The following GCSAML variants were observed in gnomAD, a reference collection of about 807,000 sequenced individuals.
GCSAML encodes the protein germinal center associated signaling and motility like, also known as germinal center-associated signaling and motility-like protein.
A neutral mutation model predicts 13.0 loss-of-function variants in GCSAML; 9 were observed. The ratio of observed to expected loss-of-function variants is 0.69; its 90% confidence interval spans 0.42 to 1.21. The LOEUF is 1.21. Among genes scored for constraint, GCSAML ranks in the 50% most tolerant of loss-of-function variants. GCSAML has a pLI of 0.00. For synonymous variants in GCSAML, 37 were observed against 52.9 expected (o/e 0.70, Z 1.31); for missense variants, 143 against 153.4 (o/e 0.93, Z 0.36).
Position 247,563,631 on chromosome 1 carries a change from A to G in GCSAML, c.131A>G (p.Asp44Gly), listed in dbSNP as rs1353732580. The G allele has an allele frequency of 1.3e-6, 2 of 1,570,872 alleles. No individual in the cohort carries two copies. Among genetic ancestry groups the G allele is most frequent in the East Asian group, 2.2e-5 (1 of 44,560 alleles). The change falls in exon 3 of 5, where the codon GAT becomes GGT. Residue 44 changes from aspartate to glycine, a missense_variant. Physicochemically the swap from Asp to Gly is moderately conservative, Grantham distance 94 (BLOSUM62 -1). Coordinates refer to ENST00000366488, the MANE Select transcript of GCSAML (RefSeq NM_145278.5). ...TTFERKLQDQ[D>G]KKSQEVSSTS... ...TTTGAAAGAAAACTTCAAGATCAAG[A>G]TAAGAAAAGTAAGTCATGGCTGTAT...
intron 1 of GCSAML, among the ~76,000 whole-genome samples, chr1:247,553,730 A>G (rs1218586820): frequency 6.6e-6 from 1 of 152,162 alleles, no homozygotes; most frequent in African/African-American, 2.4e-5. Context: ...CCTCCCAAGG[A>G]GCTGGGATTA....
At chr1:247,507,940 G>A (rs565256768) in intron 1 of GCSAML, among the ~76,000 whole-genome samples, 1 of 152,148 alleles carries the variant, frequency 6.6e-6, no homozygotes, top group Admixed American at 6.5e-5. Flanking sequence ...TTGGTTCCAA[G>A]TCTTTGCTAT....
intron 1 of GCSAML, among the ~76,000 whole-genome samples, chr1:247,513,054 T>C (rs1028292632): frequency 4.6e-5 from 7 of 152,176 alleles, no homozygotes; most frequent in African/African-American, 7.2e-5. Context: ...GGGAGATCCA[T>C]TGCTCTCTTT....
chr1:247,532,016 G>A, intron 2 of GCSAML: 1 of 1,614,124 alleles, frequency 6.2e-7, no homozygotes, highest in South Asian at 1.1e-5. Flanking sequence ...AGCGGTAGGA[G>A]CATGGTGAGC....
intron 1 of GCSAML, among the ~76,000 whole-genome samples, chr1:247,512,408 C>G (rs1390018627): frequency 5.9e-5 from 9 of 151,950 alleles, no homozygotes; most frequent in African/African-American, 1.4e-4. Flanking sequence ...AGCAATTCCT[C>G]TAACCTTTTT....
At chr1:247,541,833 A>G (rs1667423154) in intron 2 of GCSAML, among the ~76,000 whole-genome samples, 1 of 151,922 alleles carries the variant, frequency 6.6e-6, no homozygotes, top group Non-Finnish European at 1.5e-5. Context: ...AACATGGTGA[A>G]AACCTGTCTC....
At chr1:247,517,671 T>G (rs928646888) in intron 1 of GCSAML, among the ~76,000 whole-genome samples, 1 of 152,146 alleles carries the variant, frequency 6.6e-6, no homozygotes. Context: ...AGTTTTAGCT[T>G]TCTTCTCTTC....
chr1:247,537,814 A>G (rs1476050605), intron 2 of GCSAML, among the ~76,000 whole-genome samples: 1 of 151,982 alleles, frequency 6.6e-6, no homozygotes, highest in Non-Finnish European at 1.5e-5. Flanking sequence ...AAAAATGTCT[A>G]TTCAAGTCTT....
chr1:247,549,170 G>A lies in GCSAML; in HGVS notation c.-22G>A. 1 of 1,614,162 alleles carries A rather than the reference G, an allele frequency of 6.2e-7. No individual in the cohort carries two copies. The highest frequency in any genetic ancestry group is 8.5e-7 in the Non-Finnish European group (1 of 1,180,020). Reference sequence around the variant, plus strand: ...AAGTGGAGTGAAACTCAGGAGCTGAGAAACCGAGTCACTGTGAAAAGATGG... The same window carrying A: ...AAGTGGAGTGAAACTCAGGAGCTGAAAAACCGAGTCACTGTGAAAAGATGG... On this transcript the variant is annotated 5_prime_UTR_variant, in exon 1 of 5. Coordinates refer to ENST00000366488, the MANE Select transcript of GCSAML (RefSeq NM_145278.5).
intron 2 of GCSAML, chr1:247,531,672 G>C (rs760141797): frequency 5.6e-6 from 9 of 1,614,054 alleles, no homozygotes; most frequent in Middle Eastern, 1.6e-4. Flanking sequence ...GAGTGACTAC[G>C]GTGTAGAACA....
chr1:247,556,384 T>C, intron 1 of GCSAML, 23 bp from the exon 2 acceptor site: 3 of 1,581,808 alleles, frequency 1.9e-6, no homozygotes, highest in South Asian at 2.2e-5. Flanking sequence ...AATCTCTCTT[T>C]TTTCTTATGT....
chr1:247,537,797 T>G (rs904785688), intron 2 of GCSAML, among the ~76,000 whole-genome samples: 1 of 152,210 alleles, frequency 6.6e-6, no homozygotes, highest in Non-Finnish European at 1.5e-5. Context: ...TTACTTGTCT[T>G]CTTTGGAAAA....
At chr1:247,566,363 C>G (rs1668366015) in intron 4 of GCSAML, among the ~76,000 whole-genome samples, 1 of 152,128 alleles carries the variant, frequency 6.6e-6, no homozygotes, top group South Asian at 2.1e-4. Flanking sequence ...GTGCCTCAGC[C>G]TCCCAGGTAG....
At chr1:247,568,212 C>A (rs1440994210) in intron 4 of GCSAML, among the ~76,000 whole-genome samples, 3 of 152,166 alleles carry the variant, frequency 2.0e-5, no homozygotes, top group Non-Finnish European at 4.4e-5. Context: ...GCTTCTGTTG[C>A]AATTGCTTTT....
intron 1 of GCSAML, among the ~76,000 whole-genome samples, chr1:247,508,587 A>G (rs1665907744): frequency 6.6e-6 from 1 of 152,162 alleles, no homozygotes; most frequent in African/African-American, 2.4e-5. Flanking sequence ...GTCTTTGCCC[A>G]TGCCTATGTC....
At chr1:247,529,014 C>G (rs2103329947) in intron 2 of GCSAML, 1 of 152,154 alleles carries the variant, frequency 6.6e-6, no homozygotes, top group Middle Eastern at 3.4e-3. Context: ...AACATGGAAG[C>G]AGGGATGGAA....
chr1:247,560,447 G>A (rs1169705362), intron 2 of GCSAML, among the ~76,000 whole-genome samples: 1 of 152,126 alleles, frequency 6.6e-6, no homozygotes, highest in African/African-American at 2.4e-5. Flanking sequence ...CTCTGCAGCT[G>A]TGGAGCTGAG....
At chr1:247,536,306 A>G (rs1386289367) in intron 2 of GCSAML, 1 of 152,210 alleles carries the variant, frequency 6.6e-6, no homozygotes, top group African/African-American at 2.4e-5. Flanking sequence ...TAGCCAGGGG[A>G]TTTTAAAGCC....
At chr1:247,548,484 C>T (rs941762552), upstream of GCSAML, among the ~76,000 whole-genome samples, 1 of 152,160 alleles carries the variant, frequency 6.6e-6, no homozygotes, top group Non-Finnish European at 1.5e-5. This position sits in a 1 kb window ranked among gnomAD's most constrained non-coding sequence, Gnocchi z 5.3. Context: ...ACCTTCTATT[C>T]TCATCCTTTT....
Sources: allele counts gnomAD v4.1 joint callset (sites outside exome capture counted in the v4.1 genomes callset), GRCh38; gene constraint gnomAD v4.1.1; non-coding constraint Gnocchi (gnomAD v3.1); transcripts MANE v1.5; gene names NCBI Gene and HGNC (gene_info 2026-07-23, HGNC 2026-07-21).